The following SCLT1 variants were observed in gnomAD, a reference collection of about 807,000 sequenced individuals.
SCLT1 encodes the protein sodium channel-associated protein 1.
Under a neutral mutation model 112.8 loss-of-function variants are expected in SCLT1, and 78 were observed. That is an observed-to-expected ratio of 0.69 (90% CI 0.58 to 0.83). SCLT1 has a LOEUF of 0.83. Among genes scored for constraint, SCLT1 ranks in the 40% least tolerant of loss-of-function variants. SCLT1 has a pLI of 0.00. For synonymous variants in SCLT1, 257 were observed against 254.7 expected (o/e 1.01, Z -0.09); for missense variants, 747 against 770.4 (o/e 0.97, Z 0.36).
At chr4:129,053,422 G>A (rs187714954) in intron 2 of SCLT1, among the ~76,000 whole-genome samples, 2 of 152,116 alleles carry the variant, frequency 1.3e-5, no homozygotes, top group East Asian at 3.9e-4. Flanking sequence ...CCTGTATTGG[G>A]TGTATATATA....
In SCLT1 at chr4:128,946,122, C is replaced by T; in HGVS notation, c.1324G>A (p.Asp442Asn). The T allele has an allele frequency of 6.2e-7, 1 of 1,608,620 alleles. No homozygotes were observed. The highest frequency in any genetic ancestry group is 8.5e-7 in the Non-Finnish European group (1 of 1,175,478). ...TGCATTTCTTCCAGTTTTCTGTAAT[C>T]ACTCTCATTTCCTCTGCCTTCACGG... ...IYREGRGNESDYRKLEEMHQR... is the reference protein window; with the variant it reads ...IYREGRGNESNYRKLEEMHQR... Residue 442 changes from aspartate (D) to asparagine (N), a missense_variant, in exon 16 of 21, where the codon GAT becomes AAT. Asp to Asn is a conservative substitution (Grantham distance 23). Around this residue, in one of 2 missense-constraint regions of SCLT1, gnomAD observed 723 missense variants for 721.3 expected, o/e 1.00. Coordinates refer to ENST00000281142, the MANE Select transcript of SCLT1 (RefSeq NM_144643.4).
At position 129,042,938 on chromosome 4, in the gene SCLT1, T is replaced by A. The variant is rs185185546; in HGVS notation, c.234+457A>T. Among the ~76,000 whole-genome samples the A allele has an allele frequency of 3.5e-3, 538 of 152,142 alleles. 1 individual carries two copies. Among genetic ancestry groups the A allele is most frequent in the African/African-American group, 0.011 (442 of 41,520 alleles). Reference sequence around the variant, plus strand: ...AAACACAAAAATCAGCTGGGCATGGTGGCACATGCCTGTAATCCCAGCTAC... The same window carrying A: ...AAACACAAAAATCAGCTGGGCATGGAGGCACATGCCTGTAATCCCAGCTAC... On this transcript the variant is annotated intron_variant, in intron 4 of 20. Coordinates refer to ENST00000281142, the MANE Select transcript of SCLT1 (RefSeq NM_144643.4).
At chr4:128,905,265 C>T (rs922002873) in intron 18 of SCLT1, among the ~76,000 whole-genome samples, 2 of 152,118 alleles carry the variant, frequency 1.3e-5, no homozygotes, top group Non-Finnish European at 2.9e-5. Flanking sequence ...CCTTCATGCC[C>T]TATATTTATC....
At chr4:129,011,630 A>G (rs1744531067) in intron 5 of SCLT1, among the ~76,000 whole-genome samples, 1 of 151,124 alleles carries the variant, frequency 6.6e-6, no homozygotes, top group South Asian at 2.1e-4. Flanking sequence ...AGCTCTTTGT[A>G]TATTTGGTAG....
intron 4 of SCLT1, among the ~76,000 whole-genome samples, chr4:129,042,687 C>T (rs1253072912): frequency 6.6e-6 from 1 of 152,094 alleles, no homozygotes; most frequent in African/African-American, 2.4e-5. Context: ...GTTCTGTTGC[C>T]TAGGCTGGAG....
At chr4:128,965,765 A>G in intron 10 of SCLT1, among the ~76,000 whole-genome samples, 1 of 151,830 alleles carries the variant, frequency 6.6e-6, no homozygotes, top group Admixed American at 6.6e-5. Flanking sequence ...CAACTTTCTA[A>G]GGAAATTTCT....
intron 18 of SCLT1, among the ~76,000 whole-genome samples, chr4:128,925,698 T>C (rs1005072958): frequency 6.6e-6 from 1 of 152,170 alleles, no homozygotes; most frequent in African/African-American, 2.4e-5. Context: ...TTTATACTGC[T>C]TGATATTGTC....
In SCLT1 at chr4:129,082,346, C is replaced by T. The variant is rs574668445; in HGVS notation, c.62G>A (p.Arg21Gln). Residue 21 changes from arginine to glutamine, a missense_variant, in exon 2 of 21, where the codon CGG becomes CAG. This residue lies in a region of SCLT1 where 723 missense variants were observed against 721.3 expected (regional missense o/e 1.00). Transcript: ENST00000281142. ...TTTGGAAAAACTTTCCATTTGATAC[C>T]GCCTAAAATCTTCATTTAGTCTTCG... ...QNRRLNEDFR[R>Q]YQMESFSKYS... is the part of the protein sequence containing the mutation. 54 of 1,592,076 alleles carry T rather than the reference C, an allele frequency of 3.4e-5. No homozygotes were observed. The highest frequency in any genetic ancestry group is 4.1e-5 in the Non-Finnish European group (48 of 1,165,338).
Position 128,884,473 on chromosome 4 carries a change from AT to A in SCLT1, c.*3del. ...AAAGTTCTGTGAGTGAACTATGAATATTTTTAAATATTTTCCAGATTCATCA... is the reference window on the plus strand; with the variant it reads ...AAAGTTCTGTGAGTGAACTATGAATATTTTAAATATTTTCCAGATTCATCA... On this transcript the variant is annotated 3_prime_UTR_variant, in exon 21 of 21. Transcript: ENST00000281142. 6.4e-7 allele frequency: 1 copy of A among 1,570,052 alleles called. No homozygotes were observed. The highest frequency in any genetic ancestry group is 8.8e-7 in the Non-Finnish European group (1 of 1,141,434).
intron 2 of SCLT1, among the ~76,000 whole-genome samples, chr4:129,067,916 T>C (rs1750637258): frequency 6.6e-6 from 1 of 151,982 alleles, no homozygotes; most frequent in African/African-American, 2.4e-5. Flanking sequence ...TTAGTGATGA[T>C]TTGTGACATT....
chr4:128,969,195 A>C (rs1453094859), intron 10 of SCLT1, among the ~76,000 whole-genome samples: 1 of 152,168 alleles, frequency 6.6e-6, no homozygotes, highest in Non-Finnish European at 1.5e-5. Flanking sequence ...GTTGTCAGGC[A>C]TGAATTTGGT....
chr4:128,894,060 C>T (rs1375063816), intron 18 of SCLT1, among the ~76,000 whole-genome samples: 1 of 152,082 alleles, frequency 6.6e-6, no homozygotes, highest in East Asian at 1.9e-4. Context: ...TTGCCTCAGC[C>T]TCCTGAGTAG....
Position 128,951,420 on chromosome 4 carries a change from TG to T in SCLT1, c.1218+1348del, listed in dbSNP as rs1256641542. Reference sequence around the variant, plus strand: ...TTGTTTTACTATAAGAAACACTTTTTGCAATAAACTGAAATTGTCATTCTTT... The same window carrying T: ...TTGTTTTACTATAAGAAACACTTTTTCAATAAACTGAAATTGTCATTCTTT... On this transcript the variant is annotated intron_variant, in intron 14 of 20. Coordinates refer to ENST00000281142, the MANE Select transcript of SCLT1 (RefSeq NM_144643.4). Among the ~76,000 whole-genome samples the T allele has an allele frequency of 7.2e-4, 109 of 152,170 alleles. 4 individuals are homozygous for T. Among genetic ancestry groups the T allele is most frequent in the Admixed American group, 2.0e-4 (3 of 15,278 alleles).
intron 5 of SCLT1, among the ~76,000 whole-genome samples, chr4:129,005,652 C>A (rs1290796546): frequency 1.3e-5 from 2 of 152,024 alleles, no homozygotes; most frequent in African/African-American, 4.8e-5. Context: ...TTGACCCAGC[C>A]ATTGCATTAC....
chr4:129,028,208 C>T (rs561661794), intron 5 of SCLT1, among the ~76,000 whole-genome samples: 20 of 152,154 alleles, frequency 1.3e-4, no homozygotes, highest in Admixed American at 1.0e-3. Flanking sequence ...AAAAAGAGCC[C>T]GCATCGCCAA....
At chr4:129,005,154 T>C (rs1452306017) in intron 5 of SCLT1, among the ~76,000 whole-genome samples, 1 of 152,154 alleles carries the variant, frequency 6.6e-6, no homozygotes, top group Non-Finnish European at 1.5e-5. Flanking sequence ...TTTTTAACCG[T>C]AGTATTCAGA....
At chr4:128,896,288 A>G (rs1263447680) in intron 18 of SCLT1, among the ~76,000 whole-genome samples, 1 of 152,130 alleles carries the variant, frequency 6.6e-6, no homozygotes, top group Non-Finnish European at 1.5e-5. Context: ...GGTACCCCCC[A>G]GTACCGGGTA....
intron 2 of SCLT1, among the ~76,000 whole-genome samples, chr4:129,060,222 T>C (rs1050979755): frequency 1.3e-5 from 2 of 152,232 alleles, no homozygotes. Context: ...TTATTCATAT[T>C]ATGAATTCTT....
At chr4:128,976,603 C>T (rs1369011722) in intron 9 of SCLT1, among the ~76,000 whole-genome samples, 1 of 151,998 alleles carries the variant, frequency 6.6e-6, no homozygotes, top group African/African-American at 2.4e-5. Flanking sequence ...ACTTTCAGCT[C>T]AATGTAATTA....
Sources: gnomAD v4.1 joint callset for allele counts (sites outside exome capture counted in the v4.1 genomes callset) on GRCh38, gnomAD v4.1.1 for gene constraint, gnomAD v4.1.1 regional missense constraint, MANE v1.5 for transcripts, NCBI Gene and HGNC (gene_info 2026-07-23, HGNC 2026-07-21) for gene names.